Variants in AK8 observed in about 807,000 individuals in gnomAD.
AK8 encodes the protein ATP-AMP transphosphorylase 8.
In AK8, 44 loss-of-function variants were observed where a neutral mutation model predicts 54.6. The observed-to-expected ratio is 0.81, with a 90% CI of 0.63 to 1.04. The LOEUF is 1.04. Ranked by LOEUF, AK8 falls within the 50% of genes least tolerant of loss-of-function variation. AK8 has a pLI of 0.00. For synonymous variants in AK8, 239 were observed against 245.6 expected (o/e 0.97, Z 0.25); for missense variants, 555 against 613.6 (o/e 0.90, Z 1.01).
intron 11 of AK8, among the ~76,000 whole-genome samples, chr9:132,758,320 G>A (rs993227001): frequency 6.6e-6 from 1 of 152,248 alleles, no homozygotes; most frequent in East Asian, 1.9e-4. Flanking sequence ...CTCTTCAGCA[G>A]GGCTTCCTAC....
chr9:132,745,883 C>A (rs1224894713), intron 11 of AK8, among the ~76,000 whole-genome samples: 1 of 152,106 alleles, frequency 6.6e-6, no homozygotes, highest in African/African-American at 2.4e-5. Context: ...GTCATCAGCT[C>A]CTTGAAGTAT....
intron 12 of AK8, among the ~76,000 whole-genome samples, 187 bp from the exon 13 acceptor site, chr9:132,726,112 C>T (rs182387255): frequency 6.6e-6 from 1 of 152,266 alleles, no homozygotes; most frequent in East Asian, 1.9e-4. Flanking sequence ...CAGAGAGATC[C>T]AAGATGTGCT....
At chr9:132,731,744 G>A (rs1045169933) in intron 11 of AK8, among the ~76,000 whole-genome samples, 11 of 152,308 alleles carry the variant, frequency 7.2e-5, no homozygotes, top group Admixed American at 3.9e-4. Context: ...GACTACATAC[G>A]TGGTGCTGAC....
In AK8 at chr9:132,810,042, G is replaced by A. The variant is rs561349640; in HGVS notation, c.979+4596C>T. ...AGCGCTCCTGCTCTGCGAGCTGAGC[G>A]CTTTGGTTTTCTCGGCAGCTTCTCC... On this transcript the variant is annotated intron_variant, in intron 10 of 12. Transcript: ENST00000298545. Among the ~76,000 whole-genome samples the A allele has an allele frequency of 3.9e-5, 6 of 152,356 alleles. No homozygotes were observed. The East Asian group carries it at 7.7e-4, about 20-fold the overall frequency.
intron 11 of AK8, among the ~76,000 whole-genome samples, chr9:132,741,007 T>C (rs894487349): frequency 6.6e-6 from 1 of 152,092 alleles, no homozygotes; most frequent in Non-Finnish European, 1.5e-5. Context: ...ATCTGCCTGT[T>C]CCCAAGTGGC....
intron 11 of AK8, among the ~76,000 whole-genome samples, chr9:132,751,257 G>C (rs113073538): frequency 2.6e-5 from 4 of 151,274 alleles, no homozygotes; most frequent in African/African-American, 9.7e-5. Flanking sequence ...GGTGGTGCAC[G>C]CCTGTAATCC....
chr9:132,846,928 G>C (rs1842775909), intron 5 of AK8, among the ~76,000 whole-genome samples: 1 of 152,210 alleles, frequency 6.6e-6, no homozygotes, highest in South Asian at 2.1e-4. Context: ...GAAGCTGCTG[G>C]GCGTAGTGCC....
chr9:132,751,447 T>C (rs1837920621), intron 11 of AK8, among the ~76,000 whole-genome samples: 1 of 146,452 alleles, frequency 6.8e-6, no homozygotes, highest in African/African-American at 2.5e-5. Context: ...ATTAAGTCTA[T>C]GATTCCAGCT....
At chr9:132,853,783 CAAAAAA>C (rs71376669) in intron 5 of AK8, among the ~76,000 whole-genome samples, 2 of 42,590 alleles carry the variant, frequency 4.7e-5, no homozygotes, top group Non-Finnish European at 8.4e-5. Flanking sequence ...GACTCTGCCT[CAAAAAA>C]AAAAAAAAAA....
At chr9:132,792,543 G>C (rs1839985831) in intron 11 of AK8, 91 bp downstream of exon 11, 18 of 1,448,256 alleles carry the variant, frequency 1.2e-5, no homozygotes, top group Non-Finnish European at 1.7e-5. Context: ...ACACGTGAAG[G>C]CTTGTGTAAC....
chr9:132,779,099 A>G (rs1185373398), intron 11 of AK8, among the ~76,000 whole-genome samples: 1 of 150,898 alleles, frequency 6.6e-6, no homozygotes, highest in Non-Finnish European at 1.5e-5. Flanking sequence ...ACCATTAGAG[A>G]AAAAATATTT....
chr9:132,815,510 G>A (rs940638756), intron 9 of AK8, among the ~76,000 whole-genome samples: 15 of 151,990 alleles, frequency 9.9e-5, no homozygotes, highest in African/African-American at 2.7e-4. Context: ...CCAAGATCGC[G>A]TCACTGCGCT....
At chr9:132,802,585 G>A (rs911592748) in intron 10 of AK8, among the ~76,000 whole-genome samples, 3 of 152,076 alleles carry the variant, frequency 2.0e-5, no homozygotes, top group Non-Finnish European at 4.4e-5. Context: ...AAGATGCCTG[G>A]CCAGCCCCAG....
intron 10 of AK8, among the ~76,000 whole-genome samples, chr9:132,808,062 C>T (rs574049578): frequency 6.6e-6 from 1 of 152,176 alleles, no homozygotes; most frequent in South Asian, 2.1e-4. Flanking sequence ...CCATCAGCAG[C>T]AACCATCTCA....
At chr9:132,812,375 C>T (rs1341087975) in intron 10 of AK8, among the ~76,000 whole-genome samples, 1 of 151,268 alleles carries the variant, frequency 6.6e-6, no homozygotes, top group Non-Finnish European at 1.5e-5. Flanking sequence ...GGACTACAGG[C>T]GCCCACCACC....
Position 132,751,187 on chromosome 9 carries a change from C to T in AK8, c.1122-23653G>A, listed in dbSNP as rs553840170. On this transcript the variant is annotated intron_variant, in intron 11 of 12. Coordinates refer to ENST00000298545, the MANE Select transcript of AK8 (RefSeq NM_152572.3). Reference sequence around the variant, plus strand: ...TCATTTGAGGTCAGGAGTTCAAGACCAGCCCGGCCAACATGGTGAAACCCC... The same window carrying T: ...TCATTTGAGGTCAGGAGTTCAAGACTAGCCCGGCCAACATGGTGAAACCCC... Among the ~76,000 whole-genome samples, 27 of 151,654 alleles carry T rather than the reference C, an allele frequency of 1.8e-4. 1 individual carries two copies. The highest frequency in any genetic ancestry group is 5.8e-4 in the African/African-American group (24 of 41,324).
Position 132,878,225 on chromosome 9 carries a change from G to T in AK8, c.31C>A (p.Pro11Thr). Residue 11 changes from proline to threonine, a missense_variant, in exon 1 of 13, where the codon CCC becomes ACC. Coordinates refer to ENST00000298545, the MANE Select transcript of AK8 (RefSeq NM_152572.3). The surrounding 1 kb of genome is among the most constrained non-coding windows in gnomAD (Gnocchi z 4.7). MDATIAPHRIPPEMPQYGEEN... is the reference protein window; with the variant it reads MDATIAPHRITPEMPQYGEEN... ...TCCCCGTACTGGGGCATCTCGGGGG[G>T]GATACGGTGCGGGGCGATAGTGGCG... 2 of 1,457,414 alleles carry T rather than the reference G, an allele frequency of 1.4e-6. No homozygotes were observed. The highest frequency in any genetic ancestry group is 1.5e-5 in the African/African-American group (1 of 67,972). The allele number at this position is 1,457,414 out of a possible 1,614,324, so 90.3% of individuals were successfully genotyped here.
chr9:132,760,106 C>T (rs1350392982), intron 11 of AK8, among the ~76,000 whole-genome samples: 1 of 152,152 alleles, frequency 6.6e-6, no homozygotes, highest in Non-Finnish European at 1.5e-5. Flanking sequence ...AATAAACTTA[C>T]ACAGTTTTTC....
At chr9:132,829,471 G>T (rs575560125) in intron 5 of AK8, among the ~76,000 whole-genome samples, 2 of 151,920 alleles carry the variant, frequency 1.3e-5, no homozygotes, top group Admixed American at 1.3e-4. Context: ...TGCATCTAGC[G>T]CTTTCCACAT....
Sources: allele counts gnomAD v4.1 joint callset (sites outside exome capture counted in the v4.1 genomes callset), GRCh38; gene constraint gnomAD v4.1.1; non-coding constraint Gnocchi (gnomAD v3.1); transcripts MANE v1.5; gene names NCBI Gene and HGNC (gene_info 2026-07-23, HGNC 2026-07-21).